The following BTBD10 variants were observed in gnomAD, a reference collection of about 807,000 sequenced individuals.
BTBD10 encodes BTB/POZ domain-containing protein 10.
A neutral mutation model predicts 53.2 loss-of-function variants in BTBD10; 21 were observed. That is an observed-to-expected ratio of 0.39 (90% confidence interval 0.28 to 0.57). The LOEUF (loss-of-function observed/expected upper bound fraction) is 0.57. Among genes scored for constraint, BTBD10 ranks in the 20% least tolerant of loss-of-function variants. The probability of loss-of-function intolerance (pLI) is 0.53; values close to 1 mark genes in which losing one functional copy is unlikely to be tolerated. For missense variants in BTBD10, 360 were observed against 594.7 expected (o/e 0.61, Z 4.10); for synonymous variants, 149 against 192.7 (o/e 0.77, Z 1.88).
chr11:13,441,908 G>A (rs1950659289), intron 2 of BTBD10, among the ~76,000 whole-genome samples: 1 of 152,258 alleles, frequency 6.6e-6, no homozygotes, highest in South Asian at 2.1e-4. Context: ...TCTAGCCAAT[G>A]ACTGGTTTAT....
At chr11:13,430,757 TA>T (rs1378332521) in intron 2 of BTBD10, among the ~76,000 whole-genome samples, 1 of 151,936 alleles carries the variant, frequency 6.6e-6, no homozygotes, top group African/African-American at 2.4e-5. Context: ...TTACACTGAA[TA>T]AAAGAAGCCA....
At chr11:13,406,560 TGAGAGAGAGAGAGA>T (rs72242186) in intron 6 of BTBD10, among the ~76,000 whole-genome samples, 3 of 141,394 alleles carry the variant, frequency 2.1e-5, no homozygotes, top group South Asian at 2.3e-4. Context: ...TACGCATGAG[TGAGAGAGAGAGAGA>T]GAGAGAGAGA....
chr11:13,419,543 T>A lies in BTBD10; in HGVS notation c.501A>T (p.Glu167Asp), dbSNP rs761431759. Residue 167 changes from glutamate to aspartate, a missense_variant, in exon 4 of 9, where the codon GAA (glutamate) becomes GAT (aspartate). Around this residue, in one of 6 missense-constraint regions of BTBD10, gnomAD observed 109 missense variants for 118.6 expected, o/e 0.92. Transcript: ENST00000278174. ...KEGARNIRTS[E>D]RVTLIVDNTR... ...TGTTATCCACTATTAGTGTCACTCGTTCTGACGTTCTTATATTCCGAGCTC... is the reference window on the plus strand; with the variant it reads ...TGTTATCCACTATTAGTGTCACTCGATCTGACGTTCTTATATTCCGAGCTC... 4.3e-6 allele frequency: 7 copies of A among 1,614,162 alleles called. No individual in the cohort carries two copies. The South Asian group carries it at 7.7e-5, about 18-fold the overall frequency.
intron 1 of BTBD10, among the ~76,000 whole-genome samples, chr11:13,452,671 G>A (rs774901055): frequency 9.9e-5 from 15 of 152,052 alleles, no homozygotes; most frequent in Non-Finnish European, 1.2e-4. Flanking sequence ...TTCTACTTCT[G>A]CCACAACAGT....
intron 6 of BTBD10, among the ~76,000 whole-genome samples, chr11:13,406,372 A>G (rs965631717): frequency 6.6e-6 from 1 of 152,202 alleles, no homozygotes; most frequent in African/African-American, 2.4e-5. Context: ...AAGCACAGAC[A>G]TAATGAACAA....
At chr11:13,459,061 T>A (rs998362749) in intron 1 of BTBD10, among the ~76,000 whole-genome samples, 5 of 136,756 alleles carry the variant, frequency 3.7e-5, no homozygotes, top group South Asian at 4.5e-4. Context: ...TTTATTTATT[T>A]TTTTTTTTTT....
At chr11:13,414,057 T>C (rs1426725133) in intron 5 of BTBD10, among the ~76,000 whole-genome samples, 1 of 152,238 alleles carries the variant, frequency 6.6e-6, no homozygotes, top group Non-Finnish European at 1.5e-5. Context: ...TGATATGTTA[T>C]CTTAAATACT....
chr11:13,454,751 AATTT>A (rs1407957619), intron 1 of BTBD10, among the ~76,000 whole-genome samples: 20 of 146,894 alleles, frequency 1.4e-4, no homozygotes, highest in Admixed American at 6.3e-4. Context: ...AATAAAATAA[AATTT>A]ATTTATTCTT....
chr11:13,432,902 G>C (rs1024399412), intron 2 of BTBD10, among the ~76,000 whole-genome samples: 3 of 151,986 alleles, frequency 2.0e-5, no homozygotes, highest in Non-Finnish European at 4.4e-5. Flanking sequence ...AGAAAATAGA[G>C]GGGAGCACAT....
At chr11:13,409,437 C>T (rs1949895099) in intron 6 of BTBD10, among the ~76,000 whole-genome samples, 1 of 152,186 alleles carries the variant, frequency 6.6e-6, no homozygotes, top group Admixed American at 6.5e-5. Flanking sequence ...AAACTTAGAA[C>T]AGTGCTTAGT....
rs58540269 is a variant in BTBD10 at position 13,390,158 on chromosome 11, T to C, written c.1118-1017A>G. The stretch of plus-strand genomic sequence containing the variant: ...ATCAACTGTCCTTAAGAAACTATTA[T>C]AGACCCCTTCCCTCCTTTCTTCTAG... On this transcript the variant is annotated intron_variant, in intron 8 of 8. Transcript: ENST00000278174. Among the ~76,000 whole-genome samples the C allele has an allele frequency of 6.8e-3, 1,039 of 152,274 alleles. 16 individuals carry two copies. Among genetic ancestry groups the C allele is most frequent in the African/African-American group, 0.024 (989 of 41,556 alleles).
chr11:13,400,063 C>T (rs1949673254), intron 8 of BTBD10, among the ~76,000 whole-genome samples: 1 of 152,218 alleles, frequency 6.6e-6, no homozygotes. Context: ...AACCACTACT[C>T]TCTTCAAAGC....
chr11:13,445,271 T>C, intron 1 of BTBD10, 90 bp from the exon 2 acceptor site: 1 of 484,966 alleles, frequency 2.1e-6, no homozygotes, highest in Non-Finnish European at 3.6e-6. Context: ...TATTGTGACA[T>C]ATTTTTAAAG....
chr11:13,402,042 A>C (rs893383401), intron 8 of BTBD10, among the ~76,000 whole-genome samples: 1 of 152,142 alleles, frequency 6.6e-6, no homozygotes, highest in African/African-American at 2.4e-5. Context: ...CTCCCAATCT[A>C]AAGTAGCTCC....
chr11:13,413,537 T>C lies in BTBD10; in HGVS notation c.801A>G (p.Arg267=), dbSNP rs773931754. 6 of 1,605,706 alleles carry C rather than the reference T, an allele frequency of 3.7e-6. No individual in the cohort carries two copies. The Admixed American group carries it at 1.0e-4, about 27-fold the overall frequency. Residue 267 remains arginine (R), a synonymous_variant, in exon 6 of 9, where the codon AGA becomes AGG. Transcript: ENST00000278174. ...ISFEYSTIKC[R]DLSALMHELS... ...ACAAAACATCATACTTACTGAGATC[T>C]CTACATTTAATAGTGCTATATTCAA... is the stretch of plus-strand genomic sequence containing the variant.
chr11:13,446,468 C>T (rs774474237), intron 1 of BTBD10, among the ~76,000 whole-genome samples: 8 of 152,066 alleles, frequency 5.3e-5, no homozygotes, highest in Non-Finnish European at 1.0e-4. Flanking sequence ...ATAGTACCTT[C>T]TTTCTAAAAA....
At chr11:13,411,268 G>C (rs991607093) in intron 6 of BTBD10, among the ~76,000 whole-genome samples, 3 of 152,120 alleles carry the variant, frequency 2.0e-5, no homozygotes, top group Non-Finnish European at 4.4e-5. Flanking sequence ...GCCTCAACCA[G>C]AGAGAGAGAA....
intron 2 of BTBD10, among the ~76,000 whole-genome samples, chr11:13,425,695 T>C (rs1434861996): frequency 5.3e-5 from 8 of 152,146 alleles, no homozygotes; most frequent in Admixed American, 1.3e-4. Context: ...CAATAACTTA[T>C]TATATATTAC....
At chr11:13,430,276 G>A (rs1404210869) in intron 2 of BTBD10, among the ~76,000 whole-genome samples, 1 of 152,112 alleles carries the variant, frequency 6.6e-6, no homozygotes, top group Non-Finnish European at 1.5e-5. Flanking sequence ...TACATGAAAT[G>A]ATAGCGTCAC....
Sources: allele counts gnomAD v4.1 joint callset (sites outside exome capture counted in the v4.1 genomes callset), GRCh38; gene constraint gnomAD v4.1.1; regional missense constraint gnomAD v4.1.1; transcripts MANE v1.5; gene names NCBI Gene and HGNC (gene_info 2026-07-23, HGNC 2026-07-21).